The following CUBN variants were observed in gnomAD, a reference collection of about 807,000 sequenced individuals.
The protein encoded by CUBN is cubilin.
In CUBN, 282 loss-of-function variants were observed where a neutral mutation model predicts 405.3. The ratio of observed to expected loss-of-function variants is 0.70; its 90% CI spans 0.63 to 0.77. The LOEUF is 0.77. CUBN is among the 30% of genes least tolerant of loss of function. CUBN has a pLI of 0.00. For synonymous variants in CUBN, 1,684 were observed against 1,617.0 expected (o/e 1.04, Z -0.99); for missense variants, 4,514 against 4,475.2 (o/e 1.01, Z -0.25).
intron 3 of CUBN, among the ~76,000 whole-genome samples, chr10:17,127,512 C>G (rs1051169866): frequency 1.4e-5 from 2 of 145,546 alleles, no homozygotes; most frequent in African/African-American, 5.1e-5. Context: ...TAGGCTCAAG[C>G]GACCCTCCCT....
At chr10:16,967,828 A>G (rs1194450082) in intron 31 of CUBN, among the ~76,000 whole-genome samples, 1 of 132,326 alleles carries the variant, frequency 7.6e-6, no homozygotes, top group Non-Finnish European at 1.7e-5. Context: ...AGAGGGAGAG[A>G]GAGAGAAGGA....
intron 53 of CUBN, among the ~76,000 whole-genome samples, chr10:16,899,879 CATA>C (rs1841305698): frequency 6.6e-6 from 1 of 152,172 alleles, no homozygotes; most frequent in Non-Finnish European, 1.5e-5. Context: ...CAAAGAGCTT[CATA>C]ATAACTGTGA....
intron 4 of CUBN, among the ~76,000 whole-genome samples, 160 bp downstream of exon 4, chr10:17,126,601 A>C (rs1837197168): frequency 1.3e-5 from 2 of 152,246 alleles, no homozygotes; most frequent in Non-Finnish European, 2.9e-5. Context: ...CTGCATCTGC[A>C]TCCTGGGAAG....
intron 54 of CUBN, among the ~76,000 whole-genome samples, chr10:16,896,145 T>C (rs1015218773): frequency 6.6e-6 from 1 of 152,176 alleles, no homozygotes; most frequent in Non-Finnish European, 1.5e-5. Flanking sequence ...CTTTTCCATA[T>C]CATTATACTG....
intron 64 of CUBN, among the ~76,000 whole-genome samples, chr10:16,834,422 T>C (rs1839107385): frequency 6.6e-6 from 1 of 152,104 alleles, no homozygotes; most frequent in Admixed American, 6.5e-5. Context: ...GTGTGGACGA[T>C]GGGCAAACAG....
chr10:16,884,432 A>G (rs1485568933), intron 56 of CUBN, among the ~76,000 whole-genome samples: 1 of 151,882 alleles, frequency 6.6e-6, no homozygotes, highest in Non-Finnish European at 1.5e-5. Flanking sequence ...AGTTGGCCAC[A>G]TGAATAATGA....
At position 16,838,605 on chromosome 10, in the gene CUBN, G is replaced by A. The variant is rs571567779; in HGVS notation, c.10032+1725C>T. Among the ~76,000 whole-genome samples the A allele has an allele frequency of 2.0e-4, 30 of 152,306 alleles. 1 individual carries two copies. Among genetic ancestry groups the A allele is most frequent in the Admixed American group, 1.2e-3 (19 of 15,304 alleles). ...TGTCTCCTCAACATCTTATTCCAGA[G>A]GAAATTCAGACTCAGCCTTTTTTAA... On this transcript the variant is annotated intron_variant, in intron 62 of 66. Transcript: ENST00000377833.
chr10:16,952,316 G>T lies in CUBN; in HGVS notation c.4929C>A (p.Asn1643Lys). The T allele has an allele frequency of 6.2e-7, 1 of 1,613,942 alleles. No homozygotes were observed. The highest frequency in any genetic ancestry group is 1.6e-4 in the Middle Eastern group (1 of 6,062). The change falls in exon 33 of 67, where the codon AAC becomes AAA. Residue 1643 changes from asparagine (N) to lysine (K), a missense_variant. By Grantham distance (94) the Asn-to-Lys change is moderately conservative. Transcript: ENST00000377833. ...GAATGATCCAGCTGCAGTTCTGATT[G>T]TTTGGATAATTGGCAGGGAACCGTG... ...SSPRFPANYP[N>K]NQNCSWIIQA...
At chr10:17,053,766 A>G (rs1393621449) in intron 22 of CUBN, among the ~76,000 whole-genome samples, 1 of 152,136 alleles carries the variant, frequency 6.6e-6, no homozygotes, top group African/African-American at 2.4e-5. Flanking sequence ...TGCAGACAAC[A>G]CAGTTTTTCA....
At chr10:17,096,140 G>A (rs1001551138) in intron 14 of CUBN, among the ~76,000 whole-genome samples, 9 of 152,158 alleles carry the variant, frequency 5.9e-5, no homozygotes, top group African/African-American at 2.2e-4. Context: ...AGAGGTGGGG[G>A]CAATAGGGAA....
chr10:16,845,880 G>A (rs984438654), intron 60 of CUBN, among the ~76,000 whole-genome samples: 1 of 152,144 alleles, frequency 6.6e-6, no homozygotes, highest in African/African-American at 2.4e-5. Flanking sequence ...CCACCCCATA[G>A]GGAGTGTTTT....
intron 8 of CUBN, among the ~76,000 whole-genome samples, chr10:17,112,524 A>G (rs1380515724): frequency 1.3e-5 from 2 of 152,130 alleles, no homozygotes; most frequent in East Asian, 3.8e-4. Context: ...AACATTGCCA[A>G]TCTTCTAATT....
intron 57 of CUBN, among the ~76,000 whole-genome samples, chr10:16,875,630 A>G (rs1840475619): frequency 6.6e-6 from 1 of 152,232 alleles, no homozygotes; most frequent in Admixed American, 6.5e-5. Flanking sequence ...AGATAAGGGT[A>G]GCAATCACTC....
At chr10:16,988,744 C>T (rs535517010) in intron 29 of CUBN, among the ~76,000 whole-genome samples, 2 of 152,296 alleles carry the variant, frequency 1.3e-5, no homozygotes, top group South Asian at 4.1e-4. Flanking sequence ...CGACCCCTTG[C>T]ACCCTGCACC....
Position 16,869,677 on chromosome 10 carries a change from T to A in CUBN, c.9413A>T (p.Gln3138Leu). The stretch of plus-strand genomic sequence containing the variant: ...AGACATCTTCCAGCCTTTTGCTGTC[T>A]GAAATGAATCTGTCTTGAACACCAG... ...MLLVFKTDSFQTAKGWKMSFR... is the reference protein window; with the variant it reads ...MLLVFKTDSFLTAKGWKMSFR... Residue 3138 changes from glutamine (Q) to leucine (L), a missense_variant, in exon 59 of 67, where the codon CAG (glutamine) becomes CTG (leucine). Transcript: ENST00000377833. The A allele has an allele frequency of 6.2e-7, 1 of 1,614,068 alleles. No homozygotes were observed. The highest frequency in any genetic ancestry group is 8.5e-7 in the Non-Finnish European group (1 of 1,179,984).
intron 40 of CUBN, among the ~76,000 whole-genome samples, chr10:16,929,849 A>G (rs1009598171): frequency 6.6e-5 from 10 of 152,150 alleles, no homozygotes; most frequent in African/African-American, 2.2e-4. Flanking sequence ...ATATTTTATC[A>G]CTGGATGAAA....
rs1458087960 is a variant in CUBN, at chr10:16,874,369, C to T, written c.9236+5G>A. On this transcript the variant is annotated splice_donor_5th_base_variant and intron_variant, in intron 58 of 66. Transcript: ENST00000377833. ...TTCTTAAGAAAGCCAATTTGTCTTA[C>T]GTACTTGAGCTCGATCACCTTGTCG... The T allele has an allele frequency of 8.1e-6, 13 of 1,613,964 alleles. No homozygotes were observed. The highest frequency in any genetic ancestry group is 2.7e-5 in the African/African-American group (2 of 74,910).
At chr10:16,882,036 T>A (rs1840677073) in intron 56 of CUBN, among the ~76,000 whole-genome samples, 2 of 152,326 alleles carry the variant, frequency 1.3e-5, no homozygotes, top group African/African-American at 2.4e-5. Flanking sequence ...AATCAAAATA[T>A]ACACAACACT....
intron 10 of CUBN, among the ~76,000 whole-genome samples, chr10:17,106,535 T>C (rs1256933624): frequency 6.7e-6 from 1 of 148,186 alleles, no homozygotes; most frequent in African/African-American, 2.5e-5. Flanking sequence ...GAGGTGGAGG[T>C]TGCAGTGAGC....
Sources: gnomAD v4.1 joint callset for allele counts (sites outside exome capture counted in the v4.1 genomes callset) on GRCh38, gnomAD v4.1.1 for gene constraint, MANE v1.5 for transcripts, NCBI Gene and HGNC (gene_info 2026-07-23, HGNC 2026-07-21) for gene names.